Variants in ADAMTS19 observed in about 807,000 individuals in gnomAD.
ADAMTS19 encodes the protein A disintegrin and metalloproteinase with thrombospondin motifs 19.
Under a neutral mutation model 153.3 loss-of-function variants are expected in ADAMTS19, and 93 were observed. That is an observed-to-expected ratio of 0.61 (90% confidence interval 0.51 to 0.72). The LOEUF is 0.72. ADAMTS19 is among the 30% of genes least tolerant of loss of function. The pLI is 0.00. For missense variants in ADAMTS19, 1,482 were observed against 1,552.1 expected, an observed-to-expected ratio of 0.95 and a Z score of 0.76; for synonymous variants, 600 against 556.6, an observed-to-expected ratio of 1.08 and a Z score of -1.10.
intron 21 of ADAMTS19, among the ~76,000 whole-genome samples, chr5:129,717,370 ACT>A (rs1264207682): frequency 6.6e-6 from 1 of 152,072 alleles, no homozygotes; most frequent in Non-Finnish European, 1.5e-5. Flanking sequence ...GATTTTTCTG[ACT>A]CTAATTTGAT....
intron 6 of ADAMTS19, among the ~76,000 whole-genome samples, chr5:129,531,219 C>T (rs2126774405): frequency 6.6e-6 from 1 of 152,278 alleles, no homozygotes; most frequent in Admixed American, 6.5e-5. Context: ...ATTCAATATA[C>T]TCCCAATGAA....
chr5:129,570,115 G>A (rs894060092), intron 7 of ADAMTS19, among the ~76,000 whole-genome samples: 2 of 151,832 alleles, frequency 1.3e-5, no homozygotes, highest in Non-Finnish European at 2.9e-5. Flanking sequence ...AAATGGAATA[G>A]CAATAGTGAA....
chr5:129,528,568 TG>T lies in ADAMTS19; in HGVS notation c.1220del (p.Cys407LeufsTer16). 6.2e-7 allele frequency: 1 copy of T among 1,603,182 alleles called. No individual in the cohort carries two copies. The highest frequency in any genetic ancestry group is 2.3e-5 in the East Asian group (1 of 43,922). ...TGGAGAAAAAATGCTAGAGAGTTTT[TG>T]TAAGTGGCAACATGAAGAATTTGGC... ...HHGEKMLESF[C>X]KWQHEEFGKK... On this transcript the variant is annotated frameshift_variant, in exon 6 of 23. Coordinates refer to ENST00000274487, the MANE Select transcript of ADAMTS19 (RefSeq NM_133638.6). LOFTEE classifies it high-confidence loss of function.
At chr5:129,504,872 GACAC>G (rs34742030) in intron 2 of ADAMTS19, among the ~76,000 whole-genome samples, 9,753 of 148,076 alleles carry the variant, frequency 0.066, 391 homozygotes, top group African/African-American at 0.12. Flanking sequence ...CACACACACA[GACAC>G]ACACACACAC....
chr5:129,706,374 A>G (rs1458245473), intron 21 of ADAMTS19, among the ~76,000 whole-genome samples: 1 of 152,182 alleles, frequency 6.6e-6, no homozygotes, highest in Non-Finnish European at 1.5e-5. Flanking sequence ...GTTTGAGACC[A>G]GCCTGGCCAA....
chr5:129,724,787 G>A (rs961408514), intron 21 of ADAMTS19, among the ~76,000 whole-genome samples: 1 of 152,106 alleles, frequency 6.6e-6, no homozygotes, highest in African/African-American at 2.4e-5. Context: ...GAGATTGGTT[G>A]GACCCAGTGT....
At chr5:129,633,233 T>A (rs1427022616) in intron 10 of ADAMTS19, among the ~76,000 whole-genome samples, 2 of 152,150 alleles carry the variant, frequency 1.3e-5, no homozygotes, top group Middle Eastern at 3.2e-3. Flanking sequence ...TTACTTTTTT[T>A]AAACTTTTCT....
chr5:129,507,709 CGAGAGAGA>C (rs149286655), intron 2 of ADAMTS19, among the ~76,000 whole-genome samples: 4 of 132,842 alleles, frequency 3.0e-5, no homozygotes, highest in Middle Eastern at 3.7e-3. Context: ...AGATCTAGAG[CGAGAGAGA>C]GAGAGAGAGA....
intron 8 of ADAMTS19, among the ~76,000 whole-genome samples, chr5:129,603,574 T>C (rs1750763446): frequency 6.6e-6 from 1 of 152,114 alleles, no homozygotes; most frequent in Admixed American, 6.6e-5. Context: ...TTTAGGAAAA[T>C]TTAGCCTAAG....
intron 6 of ADAMTS19, among the ~76,000 whole-genome samples, chr5:129,537,943 A>G (rs10036473): frequency 0.17 from 25,120 of 151,850 alleles, 2,312 homozygotes; most frequent in African/African-American, 0.23. Context: ...GATAATAAAT[A>G]CACAAAAAAA....
At chr5:129,658,858 A>C (rs1411772089) in intron 15 of ADAMTS19, 121 bp downstream of exon 15, 6 of 1,116,064 alleles carry the variant, frequency 5.4e-6, no homozygotes, top group Non-Finnish European at 1.2e-6. Flanking sequence ...AATGGGTATT[A>C]AATTATTTTT....
chr5:129,581,908 C>T lies in ADAMTS19; in HGVS notation c.1373-14651C>T, dbSNP rs189356496. Among the ~76,000 whole-genome samples, 258 of 152,082 alleles carry T rather than the reference C, an allele frequency of 1.7e-3. 1 individual carries two copies. Among genetic ancestry groups the T allele is most frequent in the African/African-American group, 5.4e-3 (225 of 41,500 alleles). On this transcript the variant is annotated intron_variant, in intron 7 of 22. Transcript: ENST00000274487. ...GTTGTTCAGTTTCCATGTAGTTGTG[C>T]GGTTTTGAGTGAGTTTCTTAATCCT...
At chr5:129,662,032 T>C (rs950072318) in intron 15 of ADAMTS19, among the ~76,000 whole-genome samples, 3 of 152,218 alleles carry the variant, frequency 2.0e-5, no homozygotes, top group Non-Finnish European at 4.4e-5. Context: ...AGTGTTTTTT[T>C]CCTCTATCTT....
chr5:129,690,777 A>T (rs1038960178), intron 18 of ADAMTS19, among the ~76,000 whole-genome samples: 1 of 152,038 alleles, frequency 6.6e-6, no homozygotes, highest in African/African-American at 2.4e-5. Flanking sequence ...CTTACTGGCC[A>T]TTGTTAATCC....
intron 8 of ADAMTS19, among the ~76,000 whole-genome samples, chr5:129,612,550 GA>G (rs1354907763): frequency 1.5e-4 from 23 of 152,070 alleles, no homozygotes; most frequent in Admixed American, 1.3e-3. Flanking sequence ...ACTAAACATG[GA>G]AAGGAACAGC....
At chr5:129,527,649 TGTC>T in intron 4 of ADAMTS19, 96 bp from the exon 5 acceptor site, 1 of 343,218 alleles carries the variant, frequency 2.9e-6, no homozygotes. Context: ...AAAAAAAAGA[TGTC>T]TCAACTAAAT....
intron 7 of ADAMTS19, among the ~76,000 whole-genome samples, chr5:129,580,278 A>G (rs1749446038): frequency 6.6e-6 from 1 of 152,164 alleles, no homozygotes; most frequent in African/African-American, 2.4e-5. Flanking sequence ...ATTTTTGCAC[A>G]TTGATTTTGT....
intron 2 of ADAMTS19, among the ~76,000 whole-genome samples, chr5:129,476,461 A>G (rs561293097): frequency 6.6e-6 from 1 of 152,192 alleles, no homozygotes; most frequent in South Asian, 2.1e-4. Flanking sequence ...GTTCAAATCA[A>G]GCAAACAAAT....
intron 7 of ADAMTS19, among the ~76,000 whole-genome samples, chr5:129,565,243 C>G (rs1181988368): frequency 6.6e-6 from 1 of 152,120 alleles, no homozygotes; most frequent in Non-Finnish European, 1.5e-5. Flanking sequence ...GAAGCTGATT[C>G]TATACCATTT....
Sources: gnomAD v4.1 joint callset for allele counts (sites outside exome capture counted in the v4.1 genomes callset) on GRCh38, gnomAD v4.1.1 for gene constraint, MANE v1.5 for transcripts, NCBI Gene and HGNC (gene_info 2026-07-23, HGNC 2026-07-21) for gene names.